The following MAST4 variants were observed in gnomAD, a reference collection of about 807,000 sequenced individuals.
The protein encoded by MAST4 is microtubule-associated serine/threonine-protein kinase 4.
MAST4 carries 89 observed loss-of-function variants against 162.7 expected under a neutral mutation model. The ratio of observed to expected loss-of-function variants is 0.55; its 90% CI spans 0.46 to 0.65. MAST4 has a LOEUF of 0.65. Among genes scored for constraint, MAST4 ranks in the 30% least tolerant of loss-of-function variants. MAST4 has a pLI of 0.00. For missense variants in MAST4, 3,153 were observed against 3,374.0 expected, an observed-to-expected ratio of 0.93 and a Z score of 1.62; for synonymous variants, 1,479 against 1,361.1, an observed-to-expected ratio of 1.09 and a Z score of -1.91.
chr5:67,126,872 T>C (rs1283161705), intron 14 of MAST4, among the ~76,000 whole-genome samples: 1 of 152,226 alleles, frequency 6.6e-6, no homozygotes, highest in Non-Finnish European at 1.5e-5. Flanking sequence ...TTTCTATCCA[T>C]GAGCATGGAA....
intron 6 of MAST4, 35 bp from the exon 7 acceptor site, chr5:67,095,562 A>T: frequency 6.5e-7 from 1 of 1,541,426 alleles, no homozygotes; most frequent in Non-Finnish European, 8.8e-7. Flanking sequence ...ACAGTACGCC[A>T]GTGTTGGCCT....
chr5:67,088,900 A>C (rs930960644), intron 5 of MAST4, among the ~76,000 whole-genome samples: 2 of 152,214 alleles, frequency 1.3e-5, no homozygotes, highest in Non-Finnish European at 2.9e-5. Flanking sequence ...ATTTCGGTAG[A>C]GATATAGCCA....
intron 4 of MAST4, among the ~76,000 whole-genome samples, chr5:66,910,205 C>T (rs987119243): frequency 1.3e-5 from 2 of 152,194 alleles, no homozygotes; most frequent in African/African-American, 4.8e-5. Flanking sequence ...AAGCCTCAAA[C>T]TTGCCTTAAA....
At chr5:66,952,739 A>G (rs73103930) in intron 4 of MAST4, among the ~76,000 whole-genome samples, 3,978 of 151,888 alleles carry the variant, frequency 0.026, 186 homozygotes, top group African/African-American at 0.092. Flanking sequence ...GAGACTTTAC[A>G]ATCGCTGCTC....
intron 5 of MAST4, among the ~76,000 whole-genome samples, chr5:67,063,098 T>C (rs904735972): frequency 2.0e-5 from 3 of 152,212 alleles, no homozygotes; most frequent in African/African-American, 7.2e-5. Context: ...TGTGACTTCA[T>C]TTCATTAATA....
chr5:66,655,467 T>G (rs1362395560), intron 1 of MAST4, among the ~76,000 whole-genome samples: 25 of 152,180 alleles, frequency 1.6e-4, no homozygotes, highest in Non-Finnish European at 2.9e-5. Flanking sequence ...GTAATCTGGA[T>G]GTTGAGATTT....
chr5:66,686,460 C>A (rs1264485416), intron 1 of MAST4, among the ~76,000 whole-genome samples: 1 of 152,030 alleles, frequency 6.6e-6, no homozygotes, highest in African/African-American at 2.4e-5. Context: ...AAAATGGGAT[C>A]AAAAAACTGT....
Position 67,052,644 on chromosome 5 carries a change from T to A in MAST4, c.675-1760T>A, listed in dbSNP as rs1225674899. On this transcript the variant is annotated intron_variant, in intron 4 of 28. Transcript: ENST00000403625. ...CTAGTTAAGATATTCATTAGATTAT[T>A]TGCATTGACAGACATTTCTTATGAA... Among the ~76,000 whole-genome samples, 4 of 152,090 alleles carry A rather than the reference T, an allele frequency of 2.6e-5. No individual in the cohort carries two copies. The East Asian group carries it at 7.7e-4, about 29-fold the overall frequency.
intron 1 of MAST4, among the ~76,000 whole-genome samples, chr5:66,706,757 T>C (rs1198899817): frequency 1.3e-5 from 2 of 152,168 alleles, no homozygotes; most frequent in Non-Finnish European, 2.9e-5. Flanking sequence ...AGCTCCCTGG[T>C]GTTGATCCAA....
chr5:66,754,380 A>G (rs966418449), intron 1 of MAST4, among the ~76,000 whole-genome samples: 1 of 152,220 alleles, frequency 6.6e-6, no homozygotes, highest in African/African-American at 2.4e-5. Flanking sequence ...CTTTCAAATG[A>G]TGTGGTTTGC....
intron 4 of MAST4, among the ~76,000 whole-genome samples, chr5:66,987,998 T>TA (rs1057274474): frequency 1.2e-3 from 177 of 152,220 alleles, no homozygotes; most frequent in African/African-American, 3.6e-3. Context: ...TGCTTTATTT[T>TA]AAAAAAAACT....
At chr5:67,016,083 A>T (rs1753255651) in intron 4 of MAST4, among the ~76,000 whole-genome samples, 1 of 152,194 alleles carries the variant, frequency 6.6e-6, no homozygotes, top group Non-Finnish European at 1.5e-5. Flanking sequence ...TGGGCTTTAG[A>T]CAGTAATACA....
At chr5:66,981,021 A>G (rs953488339) in intron 4 of MAST4, among the ~76,000 whole-genome samples, 1 of 152,200 alleles carries the variant, frequency 6.6e-6, no homozygotes, top group African/African-American at 2.4e-5. Flanking sequence ...GCTAAAGAAA[A>G]AATAGTGCTG....
intron 1 of MAST4, among the ~76,000 whole-genome samples, chr5:66,601,047 C>T (rs777419587): frequency 2.5e-4 from 38 of 152,168 alleles, no homozygotes; most frequent in Non-Finnish European, 5.3e-4. Context: ...ATGAGCATGA[C>T]GACTGCTTTT....
chr5:67,030,176 C>T (rs1027472275), intron 4 of MAST4, among the ~76,000 whole-genome samples: 3 of 152,222 alleles, frequency 2.0e-5, no homozygotes, highest in Admixed American at 1.3e-4. Flanking sequence ...GGGTCATTCA[C>T]ATCCTTATAG....
chr5:66,892,712 C>A (rs1163833815), intron 3 of MAST4, among the ~76,000 whole-genome samples: 2 of 152,188 alleles, frequency 1.3e-5, no homozygotes, highest in East Asian at 1.9e-4. Flanking sequence ...CTTTCAGTTG[C>A]TCACATCACC....
chr5:66,698,077 C>T (rs970881434), intron 1 of MAST4, among the ~76,000 whole-genome samples: 1 of 151,824 alleles, frequency 6.6e-6, no homozygotes, highest in Non-Finnish European at 1.5e-5. Context: ...CGCTATCCAC[C>T]ACCCATCTCG....
Position 67,167,146 on chromosome 5 carries a change from C to G in MAST4, c.*95C>G, listed in dbSNP as rs944669426. 11 of 1,131,124 alleles carry G rather than the reference C, an allele frequency of 9.7e-6. No individual in the cohort carries two copies. In the East Asian group the frequency reaches 3.0e-4, roughly 30 times the overall value. 70.1% of individuals were successfully genotyped at this position (1,131,124 alleles called of 1,614,324 possible). A position where few individuals can be genotyped will look rare whatever the true frequency, so the allele number is the denominator to read the frequency against. On this transcript the variant is annotated 3_prime_UTR_variant, in exon 29 of 29. Coordinates refer to ENST00000403625, the MANE Select transcript of MAST4 (RefSeq NM_001164664.2). ...AAAACCAGCACTGTGTGGGAATGTC[C>G]GCCAGGCAGAGCTCGGAGCCTCATT...
intron 3 of MAST4, among the ~76,000 whole-genome samples, chr5:66,805,717 T>C (rs1316259103): frequency 6.6e-6 from 1 of 152,204 alleles, no homozygotes; most frequent in African/African-American, 2.4e-5. Flanking sequence ...CACATAACCC[T>C]GGACCTTGTT....
Sources: gnomAD v4.1 joint callset for allele counts (sites outside exome capture counted in the v4.1 genomes callset) on GRCh38, gnomAD v4.1.1 for gene constraint, MANE v1.5 for transcripts, NCBI Gene and HGNC (gene_info 2026-07-23, HGNC 2026-07-21) for gene names.